EYS: variants seen among roughly 807,000 people sequenced by gnomAD.
EYS encodes protein eyes shut homolog.
In EYS, 250 loss-of-function variants were observed where a neutral mutation model predicts 282.1. That is an observed-to-expected ratio of 0.89 (90% confidence interval 0.80 to 0.98). The LOEUF (loss-of-function observed/expected upper bound fraction) is 0.98, where lower values mean the gene tolerates loss of function less well. Among genes scored for constraint, EYS ranks in the 50% least tolerant of loss-of-function variants. EYS has a pLI of 0.00. For missense variants in EYS, 4,016 were observed against 3,709.0 expected, an observed-to-expected ratio of 1.08 and a Z score of -2.15; for synonymous variants, 1,355 against 1,282.9, an observed-to-expected ratio of 1.06 and a Z score of -1.20.
At chr6:64,741,703 T>C (rs1463096778) in intron 22 of EYS, among the ~76,000 whole-genome samples, 2 of 152,264 alleles carry the variant, frequency 1.3e-5, no homozygotes, top group East Asian at 1.9e-4. Context: ...TTTTATGTTA[T>C]GGAAATGGCT....
intron 30 of EYS, among the ~76,000 whole-genome samples, chr6:64,278,630 G>T (rs1023806049): frequency 6.6e-6 from 1 of 152,006 alleles, no homozygotes; most frequent in African/African-American, 2.4e-5. Flanking sequence ...GATACCAAAA[G>T]GTCATGCCCT....
rs150816812 is a variant in EYS, at chr6:63,936,552, C to A, written c.7055+47831G>T. Among the ~76,000 whole-genome samples the A allele has an allele frequency of 7.9e-5, 12 of 152,320 alleles. No homozygotes were observed. The East Asian group carries it at 2.1e-3, about 27-fold the overall frequency. On this transcript the variant is annotated intron_variant, in intron 35 of 42. Coordinates refer to ENST00000503581, the MANE Select transcript of EYS (RefSeq NM_001142800.2). ...CTACACATGACTGCTGTTTAGCAGGCAATGTCCAGGCATGACCTGTGATAG... is the reference window on the plus strand; with the variant it reads ...CTACACATGACTGCTGTTTAGCAGGAAATGTCCAGGCATGACCTGTGATAG...
intron 26 of EYS, among the ~76,000 whole-genome samples, chr6:64,578,314 C>T (rs1366626319): frequency 6.6e-6 from 1 of 152,102 alleles, no homozygotes; most frequent in Non-Finnish European, 1.5e-5. Context: ...CAAGTCTCTA[C>T]CTTGCTTGCC....
intron 22 of EYS, among the ~76,000 whole-genome samples, chr6:64,799,107 T>C (rs1409340997): frequency 6.6e-6 from 1 of 151,922 alleles, no homozygotes; most frequent in Non-Finnish European, 1.5e-5. Context: ...CCCTCTCTCA[T>C]TGTTTATAGA....
At chr6:65,539,847 A>G (rs1394351531) in intron 2 of EYS, among the ~76,000 whole-genome samples, 1 of 152,202 alleles carries the variant, frequency 6.6e-6, no homozygotes, top group Non-Finnish European at 1.5e-5. Flanking sequence ...TTCTCTCTGA[A>G]GTATAGTCCT....
intron 36 of EYS, among the ~76,000 whole-genome samples, chr6:63,837,793 A>T (rs1771846650): frequency 2.0e-5 from 3 of 152,138 alleles, no homozygotes; most frequent in African/African-American, 7.2e-5. Context: ...TGTCAACATC[A>T]ATATCAAGAT....
chr6:63,876,199 A>G (rs2149715384), intron 35 of EYS, among the ~76,000 whole-genome samples: 1 of 152,294 alleles, frequency 6.6e-6, no homozygotes, highest in East Asian at 1.9e-4. Context: ...TTCAAAGAAC[A>G]TCTTTATTTC....
At chr6:63,930,269 G>A (rs1176425714) in intron 35 of EYS, among the ~76,000 whole-genome samples, 2 of 135,542 alleles carry the variant, frequency 1.5e-5, no homozygotes, top group East Asian at 4.8e-4. Flanking sequence ...AATTAAAAAT[G>A]TAAGAAACCC....
chr6:64,514,133 G>T (rs902337946), intron 26 of EYS, among the ~76,000 whole-genome samples: 1 of 151,674 alleles, frequency 6.6e-6, no homozygotes, highest in East Asian at 1.9e-4. Flanking sequence ...ATGGCTCATT[G>T]TCTGAGCTCC....
chr6:64,268,170 T>C (rs187944701), intron 30 of EYS, among the ~76,000 whole-genome samples: 93 of 152,080 alleles, frequency 6.1e-4, no homozygotes, highest in African/African-American at 2.2e-3. Flanking sequence ...AAATTAAATA[T>C]CATGTAGCTG....
At chr6:64,343,804 T>A (rs1244255020) in intron 29 of EYS, among the ~76,000 whole-genome samples, 1 of 151,794 alleles carries the variant, frequency 6.6e-6, no homozygotes, top group Admixed American at 6.6e-5. Flanking sequence ...ATTGATAGAC[T>A]GCTAGCCAGA....
At chr6:64,689,997 A>T (rs1002323758) in intron 22 of EYS, among the ~76,000 whole-genome samples, 2 of 152,098 alleles carry the variant, frequency 1.3e-5, no homozygotes, top group African/African-American at 4.8e-5. Context: ...TAAACTAAAG[A>T]GCTTCTGCAC....
At chr6:64,250,449 G>A (rs1416312314) in intron 30 of EYS, among the ~76,000 whole-genome samples, 1 of 152,138 alleles carries the variant, frequency 6.6e-6, no homozygotes, top group Non-Finnish European at 1.5e-5. Context: ...TATTACAAAT[G>A]CCTACTGCAT....
chr6:65,700,992 T>G (rs1029274610), intron 1 of EYS, among the ~76,000 whole-genome samples: 1 of 152,184 alleles, frequency 6.6e-6, no homozygotes, highest in Non-Finnish European at 1.5e-5. Flanking sequence ...ATAGTGTGAT[T>G]TACTGTATTT....
At chr6:64,527,412 GC>G (rs1030186397) in intron 26 of EYS, among the ~76,000 whole-genome samples, 1 of 151,748 alleles carries the variant, frequency 6.6e-6, no homozygotes, top group Admixed American at 6.6e-5. Context: ...GTCAACTTTT[GC>G]AAATAAAAAT....
intron 22 of EYS, among the ~76,000 whole-genome samples, chr6:64,794,789 A>G (rs1562195474): frequency 6.6e-6 from 1 of 152,178 alleles, no homozygotes; most frequent in Non-Finnish European, 1.5e-5. Flanking sequence ...ATCAATTCCC[A>G]TTACTATGAT....
chr6:64,727,956 C>T (rs952037972), intron 22 of EYS, among the ~76,000 whole-genome samples: 6 of 152,310 alleles, frequency 3.9e-5, no homozygotes, highest in African/African-American at 1.4e-4. Flanking sequence ...ATTGAAACCA[C>T]TACTGAAGCA....
intron 31 of EYS, among the ~76,000 whole-genome samples, chr6:64,177,014 T>C (rs986804305): frequency 2.2e-5 from 3 of 134,198 alleles, no homozygotes; most frequent in African/African-American, 8.3e-5. Context: ...GTTGTTGCTA[T>C]CAATGATATT....
Position 64,000,704 on chromosome 6 carries a change from A to G in EYS, c.6726-1521T>C, listed in dbSNP as rs1241259513. Among the ~76,000 whole-genome samples, 3 of 152,244 alleles carry G rather than the reference A, an allele frequency of 2.0e-5. No individual in the cohort carries two copies. The East Asian group carries it at 5.8e-4, about 29-fold the overall frequency. Reference sequence around the variant, plus strand: ...CTTCCTCTTTCCCTTACCCCTCTTAAAGGCGCAACTGTGGGCTGGTTCCTT... The same window carrying G: ...CTTCCTCTTTCCCTTACCCCTCTTAGAGGCGCAACTGTGGGCTGGTTCCTT... On this transcript the variant is annotated intron_variant, in intron 33 of 42. Transcript: ENST00000503581.
Sources: allele counts gnomAD v4.1 joint callset (sites outside exome capture counted in the v4.1 genomes callset), GRCh38; gene constraint gnomAD v4.1.1; transcripts MANE v1.5; gene names NCBI Gene and HGNC (gene_info 2026-07-23, HGNC 2026-07-21).